PPM1E: variants seen among roughly 807,000 people sequenced by gnomAD.
PPM1E encodes protein phosphatase, Mg2+/Mn2+ dependent 1E, also known as protein phosphatase 1E.
PPM1E carries 20 observed loss-of-function variants against 65.9 expected under a neutral mutation model. The observed-to-expected ratio is 0.30, with a 90% CI of 0.21 to 0.44. The LOEUF (loss-of-function observed/expected upper bound fraction) is 0.44, where lower values mean the gene tolerates loss of function less well. PPM1E is among the 20% of genes least tolerant of loss of function. PPM1E has a pLI of 1.00. For missense variants in PPM1E, 713 were observed against 953.1 expected (o/e 0.75, Z 3.32); for synonymous variants, 352 against 374.9 (o/e 0.94, Z 0.70).
chr17:58,953,153 C>T (rs903806867), intron 1 of PPM1E, among the ~76,000 whole-genome samples: 16 of 152,212 alleles, frequency 1.1e-4, no homozygotes, highest in African/African-American at 3.6e-4. Flanking sequence ...ACATAGAGAT[C>T]ACTGATCTAG....
chr17:58,983,675 G>A lies in PPM1E; in HGVS notation c.*2644G>A. ...CTGTTAATGCTGAGGTATAGTCTGTGAATTATGTGTTTTGTATTTTTATTC... is the reference window on the plus strand; with the variant it reads ...CTGTTAATGCTGAGGTATAGTCTGTAAATTATGTGTTTTGTATTTTTATTC... On this transcript the variant is annotated 3_prime_UTR_variant, in exon 7 of 7. Transcript: ENST00000308249. The A allele has an allele frequency of 6.6e-6, 1 of 152,620 alleles. No homozygotes were observed. The highest frequency in any genetic ancestry group is 1.9e-4 in the East Asian group (1 of 5,204). The allele number at this position is 152,620 out of a possible 1,614,324, so 9.5% of individuals were successfully genotyped here.
At chr17:58,922,096 G>A (rs1203235321) in intron 1 of PPM1E, among the ~76,000 whole-genome samples, 1 of 150,632 alleles carries the variant, frequency 6.6e-6, no homozygotes, top group Non-Finnish European at 1.5e-5. Flanking sequence ...ACATATTTTA[G>A]TATATATTTA....
intron 1 of PPM1E, among the ~76,000 whole-genome samples, chr17:58,903,459 A>G (rs1265682194): frequency 6.6e-6 from 1 of 152,226 alleles, no homozygotes; most frequent in Non-Finnish European, 1.5e-5. Context: ...AGAAAATGAA[A>G]GTTTGAAGGC....
At chr17:58,941,869 G>T (rs1389065331) in intron 1 of PPM1E, among the ~76,000 whole-genome samples, 2 of 148,524 alleles carry the variant, frequency 1.3e-5, no homozygotes, top group South Asian at 2.1e-4. Context: ...GCTGGGCGTG[G>T]TGGCAGGCAC....
At chr17:58,806,058 C>G (rs925100530) in intron 1 of PPM1E, among the ~76,000 whole-genome samples, 8 of 149,532 alleles carry the variant, frequency 5.4e-5, no homozygotes, top group African/African-American at 1.7e-4. Flanking sequence ...TGTCAATTCT[C>G]TCCTCCGTGT....
intron 1 of PPM1E, among the ~76,000 whole-genome samples, chr17:58,869,037 G>A (rs2051039445): frequency 6.6e-6 from 1 of 152,204 alleles, no homozygotes; most frequent in African/African-American, 2.4e-5. Flanking sequence ...AGGCATGGTG[G>A]CGTGTACCTG....
Position 58,972,854 on chromosome 17 carries a change from C to A in PPM1E, c.1139C>A (p.Ala380Asp), listed in dbSNP as rs143120140. 3.7e-6 allele frequency: 6 copies of A among 1,612,824 alleles called. No individual in the cohort carries two copies. The highest frequency in any genetic ancestry group is 1.3e-5 in the African/African-American group (1 of 74,826). The change falls in exon 6 of 7, where the codon GCC becomes GAC. Residue 380 changes from alanine (A) to aspartate (D), a missense_variant. Coordinates refer to ENST00000308249, the MANE Select transcript of PPM1E (RefSeq NM_014906.5). ...DREDEKQRIE[A>D]LGGCVVWFGA... is the part of the protein sequence containing the mutation. The stretch of plus-strand genomic sequence containing the variant: ...TAGGATGAAAAGCAGAGAATTGAGG[C>A]CCTTGGAGGTTGCGTAGTCTGGTTT...
At chr17:58,765,436 A>C (rs1006908833) in intron 1 of PPM1E, among the ~76,000 whole-genome samples, 1 of 152,040 alleles carries the variant, frequency 6.6e-6, no homozygotes, top group Non-Finnish European at 1.5e-5. Context: ...TTGGCCTCCC[A>C]AAGTGCTGGG....
chr17:58,959,667 TA>T (rs76110788), intron 2 of PPM1E, among the ~76,000 whole-genome samples: 563 of 115,162 alleles, frequency 4.9e-3, no homozygotes, highest in Admixed American at 5.8e-3. Context: ...GCACCCAGCC[TA>T]AAAAAAAAAA....
intron 2 of PPM1E, among the ~76,000 whole-genome samples, chr17:58,965,041 G>T (rs992637356): frequency 7.2e-5 from 8 of 111,838 alleles, no homozygotes; most frequent in Non-Finnish European, 1.2e-4. Context: ...GCGAAACTCC[G>T]TCTTAATTAA....
At position 58,928,209 on chromosome 17, in the gene PPM1E, G is replaced by A. The variant is rs560921593; in HGVS notation, c.465-27440G>A. Among the ~76,000 whole-genome samples the A allele has an allele frequency of 1.4e-4, 22 of 152,184 alleles. No individual in the cohort carries two copies. In the East Asian group the frequency reaches 3.7e-3, roughly 25 times the overall value. ...TTTGCACCACTGCACTCTAGGATGG[G>A]TGACAGAGCAAGACCCTGTTTCCAA... On this transcript the variant is annotated intron_variant, in intron 1 of 6. Coordinates refer to ENST00000308249, the MANE Select transcript of PPM1E (RefSeq NM_014906.5).
chr17:58,882,781 G>A (rs2051212622), intron 1 of PPM1E, among the ~76,000 whole-genome samples: 1 of 151,822 alleles, frequency 6.6e-6, no homozygotes, highest in Non-Finnish European at 1.5e-5. Flanking sequence ...GTTCCACAGA[G>A]GTTTATTTAA....
intron 1 of PPM1E, among the ~76,000 whole-genome samples, chr17:58,815,654 T>C (rs893397904): frequency 7.9e-5 from 12 of 152,202 alleles, no homozygotes; most frequent in African/African-American, 2.7e-4. Flanking sequence ...ATTATGTAAA[T>C]CAAATGTCGA....
intron 1 of PPM1E, among the ~76,000 whole-genome samples, chr17:58,916,937 C>T (rs996017622): frequency 6.6e-6 from 1 of 152,118 alleles, no homozygotes; most frequent in Admixed American, 6.6e-5. Context: ...TGGTGGGGCA[C>T]GGTGGCTCAC....
intron 1 of PPM1E, among the ~76,000 whole-genome samples, chr17:58,882,644 G>A (rs1361828177): frequency 6.6e-6 from 1 of 152,128 alleles, no homozygotes; most frequent in Non-Finnish European, 1.5e-5. Flanking sequence ...GCTCACCTCA[G>A]CCTCCCAAAG....
chr17:58,829,612 T>C (rs2050578146), intron 1 of PPM1E, among the ~76,000 whole-genome samples: 2 of 152,192 alleles, frequency 1.3e-5, no homozygotes, highest in Admixed American at 1.3e-4. Flanking sequence ...AGCTCTACCA[T>C]GATCCTCGTG....
intron 1 of PPM1E, among the ~76,000 whole-genome samples, chr17:58,881,996 C>CAA (rs58449667): frequency 0.011 from 704 of 61,672 alleles, no homozygotes; most frequent in Non-Finnish European, 0.013. Context: ...CCTGTCTCTA[C>CAA]AAAAAAAAAA....
chr17:58,963,836 C>T lies in PPM1E; in HGVS notation c.584-1858C>T, dbSNP rs184286210. Among the ~76,000 whole-genome samples the T allele has an allele frequency of 2.8e-3, 424 of 152,196 alleles. 2 individuals are homozygous for T. The highest frequency in any genetic ancestry group is 9.9e-3 in the African/African-American group (409 of 41,514). ...CCCAGGAAGTGGAGGTTGCAGTGAG[C>T]CAAGATTGCACCACTGCTCTCCAGC... On this transcript the variant is annotated intron_variant, in intron 2 of 6. Coordinates refer to ENST00000308249, the MANE Select transcript of PPM1E (RefSeq NM_014906.5).
intron 1 of PPM1E, among the ~76,000 whole-genome samples, chr17:58,776,913 G>A (rs1673623313): frequency 1.3e-5 from 2 of 152,096 alleles, no homozygotes; most frequent in Admixed American, 1.3e-4. Context: ...TAGAAAAGAG[G>A]AGGTGGGCTA....
Sources: allele counts gnomAD v4.1 joint callset (sites outside exome capture counted in the v4.1 genomes callset), GRCh38; gene constraint gnomAD v4.1.1; transcripts MANE v1.5; gene names NCBI Gene and HGNC (gene_info 2026-07-23, HGNC 2026-07-21).